ZNF366: variants seen among roughly 807,000 people sequenced by gnomAD.
The protein encoded by ZNF366 is dendritic cell-specific transcript protein.
A neutral mutation model predicts 47.2 loss-of-function variants in ZNF366; 20 were observed. The observed-to-expected ratio is 0.42, with a 90% CI of 0.30 to 0.62. The LOEUF (loss-of-function observed/expected upper bound fraction) is 0.62. Among genes scored for constraint, ZNF366 ranks in the 20% least tolerant of loss-of-function variants. The pLI is 0.16. For synonymous variants in ZNF366, 421 were observed against 395.1 expected, an observed-to-expected ratio of 1.07 and a Z score of -0.78; for missense variants, 987 against 976.3, an observed-to-expected ratio of 1.01 and a Z score of -0.15.
intron 1 of ZNF366, among the ~76,000 whole-genome samples, chr5:72,493,212 A>C (rs2112352722): frequency 6.6e-6 from 1 of 152,358 alleles, no homozygotes; most frequent in East Asian, 1.9e-4. Flanking sequence ...AAACAGTCTC[A>C]AGTATTCAGC....
intron 2 of ZNF366, among the ~76,000 whole-genome samples, chr5:72,458,401 GT>G: frequency 6.6e-6 from 1 of 152,164 alleles, no homozygotes; most frequent in East Asian, 1.9e-4. Flanking sequence ...GCTTATCACT[GT>G]TTTCAGAATT....
chr5:72,471,340 G>A (rs1037001088), intron 1 of ZNF366, among the ~76,000 whole-genome samples: 2 of 151,994 alleles, frequency 1.3e-5, no homozygotes, highest in Non-Finnish European at 1.5e-5. Flanking sequence ...CTTCTCATTC[G>A]TCTGCTTCAT....
intron 4 of ZNF366, among the ~76,000 whole-genome samples, chr5:72,445,672 C>T (rs1447532708): frequency 3.9e-5 from 6 of 152,086 alleles, no homozygotes; most frequent in Non-Finnish European, 8.8e-5. Context: ...TAAATCATGG[C>T]GACCAGGTCA....
At chr5:72,487,818 G>A (rs1208551723) in intron 1 of ZNF366, among the ~76,000 whole-genome samples, 4 of 152,300 alleles carry the variant, frequency 2.6e-5, no homozygotes, top group Non-Finnish European at 5.9e-5. Flanking sequence ...ACCAGGACAG[G>A]TTAAAGTCTG....
intron 3 of ZNF366, among the ~76,000 whole-genome samples, chr5:72,455,646 G>T (rs1295637556): frequency 6.6e-6 from 1 of 152,162 alleles, no homozygotes; most frequent in Non-Finnish European, 1.5e-5. Flanking sequence ...TCTGAGTAAT[G>T]CCCGTCAGCG....
chr5:72,475,529 C>T (rs548400529), intron 1 of ZNF366, among the ~76,000 whole-genome samples: 18 of 152,152 alleles, frequency 1.2e-4, no homozygotes, highest in Non-Finnish European at 2.5e-4. Context: ...ACTGGTAATG[C>T]CTACCTTAGC....
rs1293445994 is a variant in ZNF366 at position 72,442,312 on chromosome 5, A to G, written c.*1444T>C. On this transcript the variant is annotated 3_prime_UTR_variant, in exon 5 of 5. Transcript: ENST00000318442. The stretch of plus-strand genomic sequence containing the variant: ...GGTGAGTTCTATTTTAGTCCCCTCA[A>G]TCTTCTCAATCTTGGCTGCACATAA... 6.6e-6 allele frequency: 1 copy of G among 152,184 alleles called. No homozygotes were observed. The highest frequency in any genetic ancestry group is 1.5e-5 in the Non-Finnish European group (1 of 68,040). The allele number at this position is 152,184 out of a possible 1,614,324, so 9.4% of individuals were successfully genotyped here. A position where few individuals can be genotyped will look rare whatever the true frequency, so the allele number is the denominator to read the frequency against.
chr5:72,473,794 C>T (rs113766725), intron 1 of ZNF366, among the ~76,000 whole-genome samples: 3 of 152,334 alleles, frequency 2.0e-5, no homozygotes, highest in African/African-American at 7.2e-5. Context: ...AGGTTTAGTG[C>T]TTAACCAGTG....
intron 1 of ZNF366, among the ~76,000 whole-genome samples, chr5:72,484,186 T>C (rs1035989302): frequency 2.6e-5 from 4 of 152,114 alleles, no homozygotes; most frequent in Non-Finnish European, 5.9e-5. Flanking sequence ...TACCTAAAAC[T>C]CAATAATTTC....
chr5:72,483,803 A>G (rs1030157024), intron 1 of ZNF366, among the ~76,000 whole-genome samples: 5 of 152,300 alleles, frequency 3.3e-5, no homozygotes, highest in Admixed American at 3.3e-4. Context: ...GCTTCATCCC[A>G]CTGGAGTATT....
At chr5:72,488,051 CA>C (rs1007786288) in intron 1 of ZNF366, among the ~76,000 whole-genome samples, 2 of 151,794 alleles carry the variant, frequency 1.3e-5, no homozygotes, top group Non-Finnish European at 2.9e-5. Context: ...ACTAAAAATA[CA>C]AAAAAATTAG....
intron 1 of ZNF366, among the ~76,000 whole-genome samples, chr5:72,466,487 G>C (rs1236812213): frequency 6.6e-6 from 1 of 152,206 alleles, no homozygotes; most frequent in East Asian, 1.9e-4. Context: ...CAAAGTCTCA[G>C]ACACTAGAAT....
chr5:72,479,157 C>A (rs545593895), intron 1 of ZNF366, among the ~76,000 whole-genome samples: 1 of 152,326 alleles, frequency 6.6e-6, no homozygotes, highest in African/African-American at 2.4e-5. Context: ...AGGTCCAAAG[C>A]TCCAACTCAT....
chr5:72,502,122 C>A (rs181818378), intron 1 of ZNF366, among the ~76,000 whole-genome samples: 76 of 152,212 alleles, frequency 5.0e-4, no homozygotes, highest in Admixed American at 2.6e-3. Flanking sequence ...TTCATTAACT[C>A]ATCTATTTAA....
At chr5:72,446,498 T>C (rs777992623) in intron 4 of ZNF366, among the ~76,000 whole-genome samples, 11 of 152,222 alleles carry the variant, frequency 7.2e-5, no homozygotes, top group Non-Finnish European at 1.5e-4. Flanking sequence ...CCCTGCTGAA[T>C]TGAGTAGATC....
intron 2 of ZNF366, among the ~76,000 whole-genome samples, chr5:72,458,252 G>A (rs769574291): frequency 1.3e-5 from 2 of 152,032 alleles, no homozygotes; most frequent in Non-Finnish European, 2.9e-5. Context: ...TCCTGACCTT[G>A]TGATCCGCCC....
At chr5:72,456,712 G>T in intron 2 of ZNF366, 117 bp from the exon 3 acceptor site, 2 of 1,051,516 alleles carry the variant, frequency 1.9e-6, no homozygotes, top group Non-Finnish European at 2.7e-6. Context: ...GGTGATAGAT[G>T]TTGAGTTTCA....
intron 1 of ZNF366, among the ~76,000 whole-genome samples, chr5:72,480,141 T>G (rs779948222): frequency 6.6e-6 from 1 of 152,108 alleles, no homozygotes; most frequent in Non-Finnish European, 1.5e-5. Flanking sequence ...AAAACCAAAG[T>G]GTGAAGGACA....
At chr5:72,458,992 C>A (rs552579068) in intron 2 of ZNF366, among the ~76,000 whole-genome samples, 1 of 152,150 alleles carries the variant, frequency 6.6e-6, no homozygotes, top group Non-Finnish European at 1.5e-5. Context: ...GTCCCCTTTA[C>A]GGCTGAATCC....
Sources: allele counts gnomAD v4.1 joint callset (sites outside exome capture counted in the v4.1 genomes callset), GRCh38; gene constraint gnomAD v4.1.1; transcripts MANE v1.5; gene names NCBI Gene and HGNC (gene_info 2026-07-23, HGNC 2026-07-21).